SH2D4A: variants seen among roughly 807,000 people sequenced by gnomAD.
SH2D4A encodes SH2 domain-containing protein 4A.
Under a neutral mutation model 64.7 loss-of-function variants are expected in SH2D4A, and 70 were observed. That is an observed-to-expected ratio of 1.08 (90% CI 0.89 to 1.32). The LOEUF is 1.32. Ranked by LOEUF, SH2D4A falls within the 40% of genes most tolerant of loss-of-function variation. The pLI is 0.00. For synonymous variants in SH2D4A, 268 were observed against 200.7 expected, an observed-to-expected ratio of 1.34 and a Z score of -2.83; for missense variants, 706 against 540.1, an observed-to-expected ratio of 1.31 and a Z score of -3.04.
At chr8:19,379,560 T>C (rs1349772907) in intron 8 of SH2D4A, among the ~76,000 whole-genome samples, 1 of 152,160 alleles carries the variant, frequency 6.6e-6, no homozygotes, top group African/African-American at 2.4e-5. Flanking sequence ...GATTATAGGG[T>C]AATTCTACGG....
In SH2D4A at chr8:19,395,759, A is replaced by C. The variant is rs2053579487; in HGVS notation, c.*1117A>C. ...TAGAAGGAAGCATGGCCCTGACTTC[A>C]GAATTCCAGACTCCAGAACTGGAAG... On this transcript the variant is annotated 3_prime_UTR_variant, in exon 10 of 10. Transcript: ENST00000265807. The C allele has an allele frequency of 6.6e-6, 1 of 152,202 alleles. No homozygotes were observed. The allele number at this position is 152,202 out of a possible 1,614,324, so 9.4% of individuals were successfully genotyped here. A position where few individuals can be genotyped will look rare whatever the true frequency, so the allele number is the denominator to read the frequency against.
At chr8:19,393,847 T>C (rs1333490878) in intron 9 of SH2D4A, among the ~76,000 whole-genome samples, 1 of 152,230 alleles carries the variant, frequency 6.6e-6, no homozygotes, top group South Asian at 2.1e-4. Flanking sequence ...CCAAACTTTG[T>C]GACACCAGTT....
In SH2D4A at chr8:19,357,313, G is replaced by A. The variant is rs772718403; in HGVS notation, c.594+30G>A. 10 of 1,475,106 alleles carry A rather than the reference G, an allele frequency of 6.8e-6. No individual in the cohort carries two copies. In the East Asian group the frequency reaches 2.0e-4, roughly 30 times the overall value. The allele number at this position is 1,475,106 out of a possible 1,614,324, so 91.4% of individuals were successfully genotyped here. On this transcript the variant is annotated intron_variant, in intron 5 of 9. Transcript: ENST00000265807. ...AAGACTTCCCTTCTGTCCTCCGGGGGCTGCATACCTAGGCATTTCCACTAA... is the reference window on the plus strand; with the variant it reads ...AAGACTTCCCTTCTGTCCTCCGGGGACTGCATACCTAGGCATTTCCACTAA...
chr8:19,343,741 A>AG (rs1421194047), intron 4 of SH2D4A, among the ~76,000 whole-genome samples: 1 of 152,178 alleles, frequency 6.6e-6, no homozygotes, highest in Non-Finnish European at 1.5e-5. Context: ...GTGTAATGAT[A>AG]GGCATTACAG....
chr8:19,359,889 A>G (rs1484708991), intron 5 of SH2D4A, among the ~76,000 whole-genome samples: 1 of 152,200 alleles, frequency 6.6e-6, no homozygotes, highest in African/African-American at 2.4e-5. Context: ...TTCTGTGGGA[A>G]AGCACAAAAT....
At chr8:19,325,626 C>T (rs973355346) in intron 2 of SH2D4A, among the ~76,000 whole-genome samples, 4 of 152,186 alleles carry the variant, frequency 2.6e-5, no homozygotes, top group Admixed American at 1.3e-4. Flanking sequence ...TCTCTATTTT[C>T]TAGTTCTTCC....
At chr8:19,367,121 G>A (rs924261099) in intron 7 of SH2D4A, among the ~76,000 whole-genome samples, 8 of 151,944 alleles carry the variant, frequency 5.3e-5, no homozygotes, top group African/African-American at 1.9e-4. Flanking sequence ...ATTCTATTGT[G>A]TATATACACC....
chr8:19,344,126 A>G (rs2052573334), intron 4 of SH2D4A, among the ~76,000 whole-genome samples: 1 of 152,128 alleles, frequency 6.6e-6, no homozygotes, highest in Admixed American at 6.5e-5. Flanking sequence ...TCCATGTATT[A>G]GTTTTCTTTG....
At chr8:19,328,258 C>T (rs1162175529) in intron 2 of SH2D4A, among the ~76,000 whole-genome samples, 1 of 152,192 alleles carries the variant, frequency 6.6e-6, no homozygotes, top group Non-Finnish European at 1.5e-5. Context: ...ATCTCGGCCT[C>T]ACTTCTGGAC....
chr8:19,376,483 A>G (rs2053198283), intron 8 of SH2D4A, among the ~76,000 whole-genome samples: 1 of 152,108 alleles, frequency 6.6e-6, no homozygotes, highest in African/African-American at 2.4e-5. Context: ...CTAGCTGGAC[A>G]TGGTGGTGCA....
chr8:19,359,305 G>A (rs2052842240), intron 5 of SH2D4A, among the ~76,000 whole-genome samples: 1 of 152,068 alleles, frequency 6.6e-6, no homozygotes, highest in African/African-American at 2.4e-5. Context: ...ATATAGCTCT[G>A]TTAGACATTT....
intron 4 of SH2D4A, among the ~76,000 whole-genome samples, chr8:19,349,860 C>T (rs1030643633): frequency 2.0e-5 from 3 of 152,170 alleles, no homozygotes; most frequent in South Asian, 2.1e-4. Flanking sequence ...CCCATCACCA[C>T]GCCCAGCTAA....
intron 4 of SH2D4A, among the ~76,000 whole-genome samples, chr8:19,344,931 T>G (rs1487242206): frequency 6.6e-6 from 1 of 152,142 alleles, no homozygotes. Flanking sequence ...CTGATAGGAG[T>G]TACATATTTT....
At chr8:19,331,715 T>G (rs1400163813) in intron 2 of SH2D4A, among the ~76,000 whole-genome samples, 1 of 152,232 alleles carries the variant, frequency 6.6e-6, no homozygotes, top group African/African-American at 2.4e-5. Context: ...ACTCCTGTTA[T>G]GTGGCAGGCA....
At chr8:19,322,850 T>C (rs2052215112) in intron 2 of SH2D4A, among the ~76,000 whole-genome samples, 1 of 152,016 alleles carries the variant, frequency 6.6e-6, no homozygotes, top group Non-Finnish European at 1.5e-5. Flanking sequence ...AATTTTTGTA[T>C]TTTCAGTAGA....
At chr8:19,340,601 C>CTTTTT (rs535915285) in intron 4 of SH2D4A, among the ~76,000 whole-genome samples, 33 of 100,504 alleles carry the variant, frequency 3.3e-4, no homozygotes, top group East Asian at 1.7e-3. Flanking sequence ...TTCTTTCTTT[C>CTTTTT]TTTTTTTTTT....
At chr8:19,370,690 C>G (rs146878038) in intron 7 of SH2D4A, among the ~76,000 whole-genome samples, 1 of 152,048 alleles carries the variant, frequency 6.6e-6, no homozygotes, top group Non-Finnish European at 1.5e-5. Flanking sequence ...TTTTATTTAG[C>G]CACTCTATGC....
At chr8:19,381,882 CATTA>C (rs1208470147) in intron 8 of SH2D4A, among the ~76,000 whole-genome samples, 1 of 151,936 alleles carries the variant, frequency 6.6e-6, no homozygotes, top group East Asian at 1.9e-4. Context: ...GCTTTTTCTG[CATTA>C]ATTGAGATGA....
In SH2D4A at chr8:19,369,383, G is replaced by A. The variant is rs532451384; in HGVS notation, c.918-4147G>A. Among the ~76,000 whole-genome samples, 24 of 152,122 alleles carry A rather than the reference G, an allele frequency of 1.6e-4. No homozygotes were observed. The South Asian group carries it at 4.8e-3, about 30-fold the overall frequency. On this transcript the variant is annotated intron_variant, in intron 7 of 9. Transcript: ENST00000265807. ...GTTAGGAAGAATTCCTCCAACTTCA[G>A]TTTTTTGCAGTAGTTTGAGAAGAAT...
Sources: allele counts gnomAD v4.1 joint callset (sites outside exome capture counted in the v4.1 genomes callset), GRCh38; gene constraint gnomAD v4.1.1; transcripts MANE v1.5; gene names NCBI Gene and HGNC (gene_info 2026-07-23, HGNC 2026-07-21).